The following TENM3 variants were observed in gnomAD, a reference collection of about 807,000 sequenced individuals.
TENM3 encodes the protein teneurin transmembrane protein 3, also known as teneurin-3.
A neutral mutation model predicts 255.1 loss-of-function variants in TENM3; 63 were observed. The observed-to-expected ratio is 0.25, with a 90% CI of 0.20 to 0.30. The LOEUF (loss-of-function observed/expected upper bound fraction) is 0.30. Ranked by LOEUF, TENM3 falls within the 10% of genes least tolerant of loss-of-function variation. TENM3 has a pLI of 1.00. For synonymous variants in TENM3, 1,306 were observed against 1,322.3 expected (o/e 0.99, Z 0.27); for missense variants, 2,929 against 3,461.1 (o/e 0.85, Z 3.86).
At chr4:182,751,567 T>C (rs1430576589) in intron 19 of TENM3, among the ~76,000 whole-genome samples, 1 of 152,184 alleles carries the variant, frequency 6.6e-6, no homozygotes, top group Non-Finnish European at 1.5e-5. Flanking sequence ...GTTAGTAAAT[T>C]GTTGAATCCT....
the TENM3 span, among the ~76,000 whole-genome samples, chr4:181,824,148 C>G: frequency 6.6e-6 from 1 of 152,126 alleles, no homozygotes; most frequent in Non-Finnish European, 1.5e-5. Context: ...GCCACTCAGG[C>G]TGGAGTGCAG....
the TENM3 span, among the ~76,000 whole-genome samples, chr4:181,711,837 G>C: frequency 6.6e-6 from 1 of 152,146 alleles, no homozygotes; most frequent in East Asian, 1.9e-4. Context: ...TGTTTGACCA[G>C]CTGTGCAGGA....
chr4:181,490,778 T>A, the TENM3 span, among the ~76,000 whole-genome samples: 1 of 152,184 alleles, frequency 6.6e-6, no homozygotes, highest in African/African-American at 2.4e-5. Flanking sequence ...TTTTTTAAAA[T>A]GAGAATCTAT....
intron 13 of TENM3, among the ~76,000 whole-genome samples, chr4:182,717,053 G>A (rs1055226070): frequency 8.3e-5 from 3 of 36,232 alleles, no homozygotes; most frequent in Admixed American, 4.0e-4. Context: ...TACCATTCCC[G>A]GAACTAAAGA....
chr4:182,346,072 C>T (rs1331969645), intron 2 of TENM3, among the ~76,000 whole-genome samples: 3 of 135,986 alleles, frequency 2.2e-5, no homozygotes, highest in African/African-American at 6.1e-5. Context: ...CACATATATA[C>T]ATACATACAT....
At chr4:182,053,096 A>G in the TENM3 span, among the ~76,000 whole-genome samples, 2,839 of 152,216 alleles carry the variant, frequency 0.019, 93 homozygotes, top group African/African-American at 0.063. Context: ...TGGGACTACA[A>G]GTGAGTGCCA....
At chr4:182,776,901 C>T (rs1764729117) in intron 24 of TENM3, among the ~76,000 whole-genome samples, 1 of 152,170 alleles carries the variant, frequency 6.6e-6, no homozygotes, top group South Asian at 2.1e-4. Context: ...AAGGAGATTT[C>T]CAGCTGATAT....
intron 3 of TENM3, among the ~76,000 whole-genome samples, chr4:182,498,487 G>C (rs2151633883): frequency 6.6e-6 from 1 of 152,110 alleles, no homozygotes; most frequent in African/African-American, 2.4e-5. Flanking sequence ...CAATTGGGCA[G>C]TTTTGTGAAC....
At chr4:182,543,083 A>G (rs924805558) in intron 3 of TENM3, among the ~76,000 whole-genome samples, 2 of 152,206 alleles carry the variant, frequency 1.3e-5, no homozygotes, top group Non-Finnish European at 2.9e-5. Context: ...TGATTGACCT[A>G]TATCTTTCCT....
chr4:182,754,335 TA>T lies in TENM3; in HGVS notation c.4018-48del, dbSNP rs748184992. ...GGTCTAATTTACTCTTCTGGCGAAT[TA>T]ACTGTAGTGCAGTAACTTACTAACC... On this transcript the variant is annotated intron_variant, in intron 21 of 27. Coordinates refer to ENST00000511685, the MANE Select transcript of TENM3 (RefSeq NM_001080477.4). This position sits in a 1 kb window ranked among gnomAD's most constrained non-coding sequence, Gnocchi z 5.1. 4 of 1,487,160 alleles carry T rather than the reference TA, an allele frequency of 2.7e-6. No homozygotes were observed. In the Admixed American group the frequency reaches 9.4e-5, roughly 35 times the overall value. 92.1% of individuals were successfully genotyped at this position (1,487,160 alleles called of 1,614,324 possible).
chr4:181,649,027 T>C, the TENM3 span, among the ~76,000 whole-genome samples: 1 of 152,148 alleles, frequency 6.6e-6, no homozygotes, highest in Non-Finnish European at 1.5e-5. Context: ...AAAAATATTG[T>C]TATTATTATT....
the TENM3 span, among the ~76,000 whole-genome samples, chr4:181,942,670 A>G: frequency 6.6e-6 from 1 of 152,234 alleles, no homozygotes; most frequent in South Asian, 2.1e-4. Flanking sequence ...CGGGGATAAA[A>G]GACTGGGAAA....
the TENM3 span, among the ~76,000 whole-genome samples, chr4:182,098,290 C>G: frequency 1.3e-5 from 2 of 152,112 alleles, no homozygotes; most frequent in African/African-American, 2.4e-5. Context: ...CCTCAAAAAT[C>G]TAAACATAGA....
chr4:182,542,056 C>T (rs1209207906), intron 3 of TENM3, among the ~76,000 whole-genome samples: 1 of 151,900 alleles, frequency 6.6e-6, no homozygotes, highest in Non-Finnish European at 1.5e-5. Flanking sequence ...CAGACTCTGT[C>T]TCTCAAAAAA....
chr4:181,791,171 G>C, the TENM3 span, among the ~76,000 whole-genome samples: 1 of 152,182 alleles, frequency 6.6e-6, no homozygotes, highest in Admixed American at 6.5e-5. Context: ...CGGACCAGGC[G>C]ATGTCTTCAC....
At chr4:181,947,766 T>C in the TENM3 span, among the ~76,000 whole-genome samples, 11 of 152,192 alleles carry the variant, frequency 7.2e-5, no homozygotes, top group Non-Finnish European at 1.5e-4. Context: ...ATGTTGACCT[T>C]TGAGTCTAAA....
At chr4:182,206,880 TTCTC>T (rs1754619307) in intron 1 of TENM3, among the ~76,000 whole-genome samples, 1 of 152,186 alleles carries the variant, frequency 6.6e-6, no homozygotes, top group Non-Finnish European at 1.5e-5. Context: ...CGTTCTTTCT[TTCTC>T]TCTCTTTTTA....
chr4:181,564,512 C>T, the TENM3 span, among the ~76,000 whole-genome samples: 1 of 152,124 alleles, frequency 6.6e-6, no homozygotes, highest in African/African-American at 2.4e-5. Context: ...AGCCCCATGT[C>T]CAGTGCACTC....
chr4:182,231,246 C>T (rs571591294), intron 1 of TENM3, among the ~76,000 whole-genome samples: 355 of 152,012 alleles, frequency 2.3e-3, no homozygotes, highest in Non-Finnish European at 4.3e-3. Flanking sequence ...AAGCTATTCC[C>T]GAGGAGGGTG....
Sources: allele counts gnomAD v4.1 joint callset (sites outside exome capture counted in the v4.1 genomes callset), GRCh38; gene constraint gnomAD v4.1.1; non-coding constraint Gnocchi (gnomAD v3.1); transcripts MANE v1.5; gene names NCBI Gene and HGNC (gene_info 2026-07-23, HGNC 2026-07-21).